NBEA: variants seen among roughly 807,000 people sequenced by gnomAD.
NBEA encodes the protein neurobeachin, also known as lysosomal-trafficking regulator 2.
A neutral mutation model predicts 343.4 loss-of-function variants in NBEA; 44 were observed. The ratio of observed to expected loss-of-function variants is 0.13; its 90% CI spans 0.10 to 0.16. NBEA has a LOEUF of 0.16. NBEA is among the 10% of genes least tolerant of loss of function. The pLI, the probability that NBEA is intolerant of heterozygous loss-of-function variation, is 1.00. For synonymous variants in NBEA, 1,175 were observed against 1,238.7 expected (o/e 0.95, Z 1.08); for missense variants, 2,555 against 3,631.3 (o/e 0.70, Z 7.62).
chr13:35,229,997 C>A (rs1392561658), intron 33 of NBEA, among the ~76,000 whole-genome samples: 1 of 152,052 alleles, frequency 6.6e-6, no homozygotes, highest in Non-Finnish European at 1.5e-5. Context: ...CATAAAACTT[C>A]TAATCTCTTG....
intron 34 of NBEA, among the ~76,000 whole-genome samples, chr13:35,273,885 CA>C (rs1164210457): frequency 9.9e-5 from 15 of 151,346 alleles, no homozygotes; most frequent in Non-Finnish European, 2.2e-4. Flanking sequence ...GCCTACCAAC[CA>C]AAAAAAAGTC....
At chr13:35,168,856 A>T in intron 24 of NBEA, 131 bp from the exon 25 acceptor site, 1 of 590,714 alleles carries the variant, frequency 1.7e-6, no homozygotes. Context: ...TGCTTTTAAT[A>T]AAATAATCAA....
At position 35,360,276 on chromosome 13, in the gene NBEA, C is replaced by G. The variant is rs551834327; in HGVS notation, c.6179+7953C>G. On this transcript the variant is annotated intron_variant, in intron 38 of 58. Coordinates refer to ENST00000379939, the MANE Select transcript of NBEA (RefSeq NM_001385012.1). ...CAAATCTGGAGCTTTAAAAAGTATT[C>G]TTAGGTTTCCTAAATCCAAGGCCCA... Among the ~76,000 whole-genome samples, 3 of 152,130 alleles carry G rather than the reference C, an allele frequency of 2.0e-5. No homozygotes were observed. The South Asian group carries it at 6.2e-4, about 32-fold the overall frequency.
chr13:35,209,080 C>T (rs1423171074), intron 32 of NBEA, among the ~76,000 whole-genome samples: 1 of 152,082 alleles, frequency 6.6e-6, no homozygotes, highest in Non-Finnish European at 1.5e-5. Context: ...CTTCTCAAAA[C>T]AGTGCTGTTT....
At chr13:35,032,593 T>A (rs2062273986) in intron 1 of NBEA, among the ~76,000 whole-genome samples, 1 of 151,810 alleles carries the variant, frequency 6.6e-6, no homozygotes. Flanking sequence ...TTCTGTAGGT[T>A]GTCTCTTTAC....
chr13:35,215,962 T>C (rs1216564349), intron 33 of NBEA, among the ~76,000 whole-genome samples: 1 of 151,572 alleles, frequency 6.6e-6, no homozygotes, highest in Non-Finnish European at 1.5e-5. Flanking sequence ...GTTGGATTTA[T>C]TGCCATAAAT....
chr13:35,108,896 C>T (rs1469419737), intron 11 of NBEA, among the ~76,000 whole-genome samples: 1 of 152,074 alleles, frequency 6.6e-6, no homozygotes, highest in East Asian at 1.9e-4. Flanking sequence ...CAGTATTTTA[C>T]ATATTTTTAA....
At chr13:35,406,730 TAAGGA>T (rs892652290) in intron 38 of NBEA, among the ~76,000 whole-genome samples, 4 of 152,134 alleles carry the variant, frequency 2.6e-5, no homozygotes, top group Non-Finnish European at 2.9e-5. Context: ...AGTCATAGAT[TAAGGA>T]AAGCTCAAGA....
At chr13:35,384,932 T>G (rs182075602) in intron 38 of NBEA, among the ~76,000 whole-genome samples, 6 of 152,350 alleles carry the variant, frequency 3.9e-5, no homozygotes, top group Admixed American at 2.0e-4. Context: ...CAAGTTCAGC[T>G]GAGGATCACC....
At chr13:35,099,541 C>G (rs1163887810) in intron 11 of NBEA, among the ~76,000 whole-genome samples, 3 of 152,016 alleles carry the variant, frequency 2.0e-5, no homozygotes, top group Non-Finnish European at 4.4e-5. Context: ...AGATAAAAAT[C>G]TTAATCTATA....
At chr13:35,288,353 GTTC>G (rs1198564423) in intron 34 of NBEA, among the ~76,000 whole-genome samples, 2 of 151,784 alleles carry the variant, frequency 1.3e-5, no homozygotes, top group Non-Finnish European at 2.9e-5. Context: ...GTCACGTTTA[GTTC>G]TTCTTTTGCT....
chr13:35,503,434 T>C (rs2076963840), intron 41 of NBEA, among the ~76,000 whole-genome samples: 1 of 151,928 alleles, frequency 6.6e-6, no homozygotes, highest in Non-Finnish European at 1.5e-5. Context: ...AACATATTTC[T>C]ATATCAATAA....
intron 41 of NBEA, chr13:35,474,797 G>C (rs1300106506): frequency 2.3e-6 from 1 of 437,298 alleles, no homozygotes; most frequent in Admixed American, 4.0e-5. Context: ...GTGTTACGGT[G>C]TACTTTTCAA....
intron 6 of NBEA, among the ~76,000 whole-genome samples, chr13:35,051,195 C>G (rs1283198468): frequency 6.6e-6 from 1 of 151,860 alleles, no homozygotes; most frequent in Non-Finnish European, 1.5e-5. Flanking sequence ...AGGCTTTGTT[C>G]CCCTTCCAGG....
chr13:35,338,771 G>A (rs1455201871), intron 36 of NBEA, among the ~76,000 whole-genome samples: 2 of 152,010 alleles, frequency 1.3e-5, no homozygotes, highest in Non-Finnish European at 1.5e-5. Context: ...ATCTACGTCA[G>A]CAATATGTAA....
chr13:35,643,566 C>G (rs1168009852), intron 49 of NBEA, among the ~76,000 whole-genome samples: 1 of 152,196 alleles, frequency 6.6e-6, no homozygotes, highest in Non-Finnish European at 1.5e-5. Context: ...TCTGTTAAGA[C>G]TAAGTCACCA....
intron 34 of NBEA, among the ~76,000 whole-genome samples, chr13:35,242,083 C>T (rs181427909): frequency 2.6e-3 from 395 of 151,992 alleles, no homozygotes; most frequent in Non-Finnish European, 4.5e-3. Flanking sequence ...AAAGAAATGT[C>T]GGCCTCTGAC....
intron 1 of NBEA, among the ~76,000 whole-genome samples, chr13:34,964,353 T>C (rs529075887): frequency 2.0e-5 from 3 of 152,150 alleles, no homozygotes; most frequent in African/African-American, 7.2e-5. Context: ...GGCACATAAA[T>C]GCTAATTCAG....
chr13:35,556,966 A>G (rs1020430105), intron 44 of NBEA, among the ~76,000 whole-genome samples: 3 of 152,046 alleles, frequency 2.0e-5, no homozygotes, highest in Admixed American at 2.0e-4. Context: ...TCCCTGTATT[A>G]GGTTTTTATA....
Sources: allele counts gnomAD v4.1 joint callset (sites outside exome capture counted in the v4.1 genomes callset), GRCh38; gene constraint gnomAD v4.1.1; transcripts MANE v1.5; gene names NCBI Gene and HGNC (gene_info 2026-07-23, HGNC 2026-07-21).